FBXL17: variants seen among roughly 807,000 people sequenced by gnomAD.
FBXL17 encodes the protein F-box and leucine rich repeat protein 17.
FBXL17 carries 22 observed loss-of-function variants against 66.2 expected under a neutral mutation model. The ratio of observed to expected loss-of-function variants is 0.33; its 90% CI spans 0.24 to 0.47. The LOEUF is 0.47. Ranked by LOEUF, FBXL17 falls within the 20% of genes least tolerant of loss-of-function variation. The pLI is 1.00. For missense variants in FBXL17, 878 were observed against 948.2 expected, an observed-to-expected ratio of 0.93 and a Z score of 0.97; for synonymous variants, 474 against 400.5, an observed-to-expected ratio of 1.18 and a Z score of -2.19.
chr5:108,043,317 GT>G (rs201080253), intron 6 of FBXL17, among the ~76,000 whole-genome samples: 19 of 152,086 alleles, frequency 1.2e-4, no homozygotes, highest in South Asian at 4.1e-4. Flanking sequence ...GACCCTGAAG[GT>G]TTTTCCCCCC....
chr5:108,132,203 C>T (rs1386171393), intron 6 of FBXL17, among the ~76,000 whole-genome samples: 4 of 152,050 alleles, frequency 2.6e-5, no homozygotes, highest in East Asian at 1.9e-4. Context: ...CTCAAACTCC[C>T]GACCTCAGGT....
At chr5:108,147,530 AT>A (rs1209899254) in intron 6 of FBXL17, among the ~76,000 whole-genome samples, 14 of 152,202 alleles carry the variant, frequency 9.2e-5, no homozygotes, top group Non-Finnish European at 1.3e-4. Context: ...AAATAAAAAA[AT>A]AAAATGACGG....
intron 5 of FBXL17, among the ~76,000 whole-genome samples, chr5:108,198,944 T>C (rs1159962691): frequency 1.3e-5 from 2 of 152,140 alleles, no homozygotes; most frequent in Non-Finnish European, 2.9e-5. Context: ...ATAAAAGTAT[T>C]TTTGAAATGA....
intron 6 of FBXL17, among the ~76,000 whole-genome samples, chr5:108,160,450 A>G (rs1408838442): frequency 6.6e-6 from 1 of 152,212 alleles, no homozygotes; most frequent in African/African-American, 2.4e-5. Context: ...CTTGTGAAAC[A>G]AAGAGAAGAA....
intron 6 of FBXL17, among the ~76,000 whole-genome samples, chr5:108,178,910 C>T (rs1372304246): frequency 6.6e-6 from 1 of 152,204 alleles, no homozygotes; most frequent in Non-Finnish European, 1.5e-5. Flanking sequence ...ACAAAATATT[C>T]TCAAACTCAA....
chr5:107,921,363 T>C (rs1489072565), intron 7 of FBXL17, among the ~76,000 whole-genome samples: 1 of 152,158 alleles, frequency 6.6e-6, no homozygotes, highest in Non-Finnish European at 1.5e-5. Context: ...TGTGCATATA[T>C]CCCATACATT....
chr5:108,287,872 C>T (rs1300283593), intron 4 of FBXL17, among the ~76,000 whole-genome samples: 1 of 151,902 alleles, frequency 6.6e-6, no homozygotes, highest in East Asian at 1.9e-4. Context: ...ACCTAAATAC[C>T]CACTGATGGT....
At chr5:108,193,292 G>C (rs1433537042) in intron 5 of FBXL17, among the ~76,000 whole-genome samples, 1 of 152,162 alleles carries the variant, frequency 6.6e-6, no homozygotes, top group African/African-American at 2.4e-5. Context: ...CAGAGGAAGA[G>C]AGAAGGGTCA....
Position 107,948,405 on chromosome 5 carries a change from T to A in FBXL17, c.1823-67226A>T, listed in dbSNP as rs568690775. The stretch of plus-strand genomic sequence containing the variant: ...ACTCCTTCCTTTCCTTGCCCACACA[T>A]TCATTCCATCACCAAATCCTGAACA... On this transcript the variant is annotated intron_variant, in intron 7 of 8. Coordinates refer to ENST00000542267, the MANE Select transcript of FBXL17 (RefSeq NM_001163315.3). 2.0e-5 allele frequency among the ~76,000 whole-genome samples: 3 copies of A among 152,284 alleles called. No individual in the cohort carries two copies. In the East Asian group the frequency reaches 5.8e-4, roughly 29 times the overall value.
chr5:108,083,624 C>T (rs138288495), intron 6 of FBXL17, among the ~76,000 whole-genome samples: 44 of 149,678 alleles, frequency 2.9e-4, no homozygotes, highest in African/African-American at 1.1e-3. Context: ...CTCAGGTTAG[C>T]CTTGAACTTC....
intron 6 of FBXL17, among the ~76,000 whole-genome samples, chr5:108,105,749 C>T (rs1051805732): frequency 6.2e-5 from 9 of 145,066 alleles, no homozygotes; most frequent in Non-Finnish European, 1.1e-4. Flanking sequence ...GCTGATACAA[C>T]TAACTTTAAC....
At chr5:107,981,095 G>A (rs1265698798) in intron 7 of FBXL17, among the ~76,000 whole-genome samples, 1 of 152,110 alleles carries the variant, frequency 6.6e-6, no homozygotes, top group African/African-American at 2.4e-5. Context: ...CAACTGTGAG[G>A]GAAAATGGGA....
At chr5:108,193,516 G>C (rs944120512) in intron 5 of FBXL17, among the ~76,000 whole-genome samples, 3 of 152,168 alleles carry the variant, frequency 2.0e-5, no homozygotes, top group Non-Finnish European at 4.4e-5. Context: ...GAGAAGGTCT[G>C]TTATCTACAC....
chr5:107,914,608 T>C (rs1273820085), intron 7 of FBXL17, among the ~76,000 whole-genome samples: 2 of 152,322 alleles, frequency 1.3e-5, no homozygotes, highest in East Asian at 3.9e-4. Context: ...TTGGCCACAG[T>C]GGTGGGTGGG....
intron 5 of FBXL17, among the ~76,000 whole-genome samples, chr5:108,208,451 C>T (rs185574437): frequency 1.3e-4 from 20 of 152,244 alleles, no homozygotes; most frequent in Middle Eastern, 3.4e-3. Flanking sequence ...CTAGGTCTTA[C>T]GTTTAAGTCT....
chr5:107,948,166 G>C (rs981083966), intron 7 of FBXL17, among the ~76,000 whole-genome samples: 5 of 151,936 alleles, frequency 3.3e-5, no homozygotes, highest in Non-Finnish European at 7.4e-5. Context: ...CTAAGAATAA[G>C]AGGTAATAGA....
intron 4 of FBXL17, among the ~76,000 whole-genome samples, chr5:108,260,030 A>G (rs1756744924): frequency 6.7e-6 from 1 of 149,408 alleles, no homozygotes; most frequent in Non-Finnish European, 1.5e-5. Context: ...TTAAAAAAAA[A>G]AAACAAAAAA....
chr5:107,914,959 A>G (rs992647004), intron 7 of FBXL17, among the ~76,000 whole-genome samples: 3 of 152,224 alleles, frequency 2.0e-5, no homozygotes, highest in South Asian at 2.1e-4. Context: ...AATTGCAACC[A>G]AAAGATTCCT....
chr5:107,963,320 A>T (rs922978661), intron 7 of FBXL17, among the ~76,000 whole-genome samples: 4 of 152,128 alleles, frequency 2.6e-5, no homozygotes, highest in Non-Finnish European at 5.9e-5. Context: ...CCTGGTCCCA[A>T]AATGGGAAAT....
Sources: gnomAD v4.1 joint callset for allele counts (sites outside exome capture counted in the v4.1 genomes callset) on GRCh38, gnomAD v4.1.1 for gene constraint, MANE v1.5 for transcripts, NCBI Gene and HGNC (gene_info 2026-07-23, HGNC 2026-07-21) for gene names.